The following ZNF385D variants were observed in gnomAD, a reference collection of about 807,000 sequenced individuals.
The protein encoded by ZNF385D is zinc finger protein 659.
Under a neutral mutation model 35.8 loss-of-function variants are expected in ZNF385D, and 15 were observed. The ratio of observed to expected loss-of-function variants is 0.42; its 90% confidence interval spans 0.28 to 0.64. The LOEUF is 0.64. ZNF385D is among the 30% of genes least tolerant of loss of function. The probability of loss-of-function intolerance (pLI) is 0.23; values close to 1 mark genes in which losing one functional copy is unlikely to be tolerated. For synonymous variants in ZNF385D, 212 were observed against 186.8 expected, an observed-to-expected ratio of 1.13 and a Z score of -1.10; for missense variants, 474 against 494.6, an observed-to-expected ratio of 0.96 and a Z score of 0.39.
intron 3 of ZNF385D, among the ~76,000 whole-genome samples, chr3:21,885,411 G>T (rs148652462): frequency 6.6e-6 from 1 of 151,684 alleles, no homozygotes; most frequent in African/African-American, 2.4e-5. Context: ...ACAATTGTTA[G>T]CAACAAAATT....
rs183175882 is a variant in ZNF385D, at chr3:21,999,251, C to G, written c.325+169566G>C. Among the ~76,000 whole-genome samples, 38 of 152,184 alleles carry G rather than the reference C, an allele frequency of 2.5e-4. No homozygotes were observed. The East Asian group carries it at 6.8e-3, about 27-fold the overall frequency. On this transcript the variant is annotated intron_variant, in intron 3 of 5. Transcript: ENST00000494108. ...GGATATTTCCTCAGGTTTTCACTGA[C>G]AAACATATTCTATAAAGTTAGTTTG...
intron 5 of ZNF385D, among the ~76,000 whole-genome samples, chr3:21,429,280 A>G (rs1047434859): frequency 2.6e-5 from 4 of 152,246 alleles, no homozygotes; most frequent in African/African-American, 9.6e-5. Context: ...ATCATGTACC[A>G]GTCTTTTATA....
chr3:21,522,914 C>T (rs913099710), intron 3 of ZNF385D, among the ~76,000 whole-genome samples: 14 of 152,160 alleles, frequency 9.2e-5, no homozygotes, highest in Non-Finnish European at 1.8e-4. Context: ...TAGTTAGGTG[C>T]TAACAGCACA....
intron 3 of ZNF385D, among the ~76,000 whole-genome samples, chr3:21,798,629 T>C (rs2072260715): frequency 6.6e-6 from 1 of 152,166 alleles, no homozygotes; most frequent in African/African-American, 2.4e-5. Flanking sequence ...TATTTATATC[T>C]GTAAAATTTT....
At chr3:22,235,195 C>T (rs897129778) in intron 2 of ZNF385D, among the ~76,000 whole-genome samples, 2 of 151,996 alleles carry the variant, frequency 1.3e-5, no homozygotes, top group African/African-American at 4.8e-5. Flanking sequence ...CTCAGCCAGA[C>T]CCAAAATCTG....
At chr3:21,961,310 A>G (rs1474832934) in intron 3 of ZNF385D, 1 of 152,272 alleles carries the variant, frequency 6.6e-6, no homozygotes, top group African/African-American at 2.4e-5. Flanking sequence ...AACTTACAGG[A>G]ATTTTCTTTC....
chr3:22,366,566 T>C (rs908089488), intron 2 of ZNF385D, among the ~76,000 whole-genome samples: 1 of 152,140 alleles, frequency 6.6e-6, no homozygotes, highest in Non-Finnish European at 1.5e-5. Flanking sequence ...ATTTTACTAA[T>C]GTTGGGTCTG....
intron 3 of ZNF385D, among the ~76,000 whole-genome samples, chr3:21,524,963 T>C (rs983429431): frequency 1.3e-5 from 2 of 148,836 alleles, no homozygotes; most frequent in African/African-American, 5.2e-5. Context: ...CATAGAATTC[T>C]TTTTCTCTCT....
At chr3:22,208,726 AAT>A (rs978074655) in intron 2 of ZNF385D, among the ~76,000 whole-genome samples, 22 of 151,662 alleles carry the variant, frequency 1.5e-4, no homozygotes, top group African/African-American at 5.3e-4. Context: ...TTAAAAAAAA[AAT>A]TTAAAAAATA....
intron 3 of ZNF385D, among the ~76,000 whole-genome samples, chr3:21,980,496 C>T (rs1199920056): frequency 6.6e-6 from 1 of 152,128 alleles, no homozygotes; most frequent in Non-Finnish European, 1.5e-5. Context: ...TAAAACACAA[C>T]AACTCTTGGA....
chr3:21,836,046 C>A (rs370380085), intron 3 of ZNF385D, among the ~76,000 whole-genome samples: 71 of 152,064 alleles, frequency 4.7e-4, no homozygotes, highest in African/African-American at 1.6e-3. Flanking sequence ...AGCACTTTCA[C>A]AGTTTATCTA....
At chr3:22,319,256 T>G (rs540127887) in intron 2 of ZNF385D, among the ~76,000 whole-genome samples, 1 of 152,050 alleles carries the variant, frequency 6.6e-6, no homozygotes. Flanking sequence ...ACTGGAACAT[T>G]TGAAGTATTA....
intron 2 of ZNF385D, among the ~76,000 whole-genome samples, chr3:21,590,132 G>T (rs1452161322): frequency 6.6e-6 from 1 of 152,038 alleles, no homozygotes; most frequent in African/African-American, 2.4e-5. Flanking sequence ...GTACCCTATG[G>T]TCTATTCACA....
chr3:22,308,822 C>T (rs1321449167), intron 2 of ZNF385D, among the ~76,000 whole-genome samples: 2 of 152,038 alleles, frequency 1.3e-5, no homozygotes, highest in African/African-American at 4.8e-5. Context: ...TGGATCTGCT[C>T]CGTTTTTCAT....
chr3:21,712,697 T>C (rs757343880), intron 1 of ZNF385D, among the ~76,000 whole-genome samples: 2 of 152,212 alleles, frequency 1.3e-5, no homozygotes, highest in Admixed American at 6.5e-5. Flanking sequence ...TTTGCAAATA[T>C]ATATGCACTT....
chr3:21,515,884 C>T (rs192398687), intron 3 of ZNF385D, among the ~76,000 whole-genome samples: 17 of 151,510 alleles, frequency 1.1e-4, no homozygotes, highest in African/African-American at 4.1e-4. Flanking sequence ...AGTCATGTGG[C>T]CAGAGGTCAC....
At chr3:22,358,228 T>G (rs1255967265) in intron 2 of ZNF385D, among the ~76,000 whole-genome samples, 1 of 151,756 alleles carries the variant, frequency 6.6e-6, no homozygotes, top group Non-Finnish European at 1.5e-5. Flanking sequence ...CAAATTGAGG[T>G]GAGGAAATGA....
At chr3:22,165,274 A>G (rs1343336834) in intron 3 of ZNF385D, among the ~76,000 whole-genome samples, 1 of 152,182 alleles carries the variant, frequency 6.6e-6, no homozygotes, top group Admixed American at 6.5e-5. Flanking sequence ...TGGGAACTTT[A>G]CTTTCCACTC....
intron 3 of ZNF385D, among the ~76,000 whole-genome samples, chr3:21,983,678 C>A (rs1576082021): frequency 1.7e-5 from 1 of 60,036 alleles, no homozygotes; most frequent in African/African-American, 6.3e-5. Flanking sequence ...GGGTATATAC[C>A]CAGTAATGGG....
Sources: allele counts gnomAD v4.1 joint callset (sites outside exome capture counted in the v4.1 genomes callset), GRCh38; gene constraint gnomAD v4.1.1; transcripts MANE v1.5; gene names NCBI Gene and HGNC (gene_info 2026-07-23, HGNC 2026-07-21).